Variants in MYO16 observed in about 807,000 individuals in gnomAD.
The protein encoded by MYO16 is unconventional myosin-XVI.
In MYO16, 94 loss-of-function variants were observed where a neutral mutation model predicts 205.3. The ratio of observed to expected loss-of-function variants is 0.46; its 90% CI spans 0.39 to 0.54. MYO16 has a LOEUF of 0.54. Ranked by LOEUF, MYO16 falls within the 20% of genes least tolerant of loss-of-function variation. MYO16 has a pLI of 0.00. For missense variants in MYO16, 2,315 were observed against 2,387.5 expected, an observed-to-expected ratio of 0.97 and a Z score of 0.63; for synonymous variants, 988 against 954.0, an observed-to-expected ratio of 1.04 and a Z score of -0.66.
In MYO16 at chr13:108,629,660, C is replaced by T. The variant is rs1879885020; in HGVS notation, c.-185C>T. ...GGGGAGAGGCTTATCTTAACTCCAG[C>T]TGCCGAATGAGAATGAGTTTGAAGC... On this transcript the variant is annotated 5_prime_UTR_variant, in exon 1 of 35. Coordinates refer to ENST00000457511, the MANE Select transcript of MYO16 (RefSeq NM_001198950.3). 3.7e-6 allele frequency: 2 copies of T among 542,124 alleles called. No individual in the cohort carries two copies. The highest frequency in any genetic ancestry group is 6.5e-6 in the Non-Finnish European group (2 of 306,184). The allele number at this position is 542,124 out of a possible 1,614,324, so 33.6% of individuals were successfully genotyped here.
At chr13:108,825,773 TA>T in intron 9 of MYO16, among the ~76,000 whole-genome samples, 1 of 151,980 alleles carries the variant, frequency 6.6e-6, no homozygotes, top group East Asian at 1.9e-4. Flanking sequence ...AAACAATCTG[TA>T]TTTCTATACA....
In MYO16 at chr13:109,160,576, C is replaced by T. The variant is rs145052840; in HGVS notation, c.5165-4325C>T. Among the ~76,000 whole-genome samples, 144 of 152,258 alleles carry T rather than the reference C, an allele frequency of 9.5e-4. 5 individuals are homozygous for T. The East Asian group carries it at 0.025, about 26-fold the overall frequency. ...ACAGGATGCCACTGAACTACACAACCCCTTACTTCACTAGATACAGAGGCA... is the reference window on the plus strand; with the variant it reads ...ACAGGATGCCACTGAACTACACAACTCCTTACTTCACTAGATACAGAGGCA... On this transcript the variant is annotated intron_variant, in intron 32 of 34. Coordinates refer to ENST00000457511, the MANE Select transcript of MYO16 (RefSeq NM_001198950.3).
chr13:108,604,187 C>T (rs914025840), intron 1 of MYO16, among the ~76,000 whole-genome samples: 1 of 152,070 alleles, frequency 6.6e-6, no homozygotes, highest in Non-Finnish European at 1.5e-5. Context: ...GAGGTCCCTC[C>T]CCCAAGAGTG....
chr13:108,718,045 C>A (rs954641058), intron 3 of MYO16, among the ~76,000 whole-genome samples: 2 of 152,074 alleles, frequency 1.3e-5, no homozygotes, highest in African/African-American at 4.8e-5. Context: ...TTGCTCTTCA[C>A]CATCAGTTTC....
chr13:108,940,084 C>T (rs1280313991), intron 16 of MYO16, among the ~76,000 whole-genome samples: 2 of 152,038 alleles, frequency 1.3e-5, no homozygotes, highest in African/African-American at 4.8e-5. Flanking sequence ...CATATTGTAC[C>T]TGTAAACTCT....
At chr13:108,921,430 T>A (rs904573032) in intron 16 of MYO16, among the ~76,000 whole-genome samples, 2 of 152,190 alleles carry the variant, frequency 1.3e-5, no homozygotes, top group African/African-American at 4.8e-5. Context: ...AAATGCTCTC[T>A]TATCAGTGTG....
chr13:108,658,451 T>C (rs1881342916), intron 1 of MYO16, among the ~76,000 whole-genome samples: 1 of 151,620 alleles, frequency 6.6e-6, no homozygotes, highest in South Asian at 2.1e-4. Flanking sequence ...TGTGTGTGTG[T>C]GTGTGTGTTT....
chr13:108,921,484 C>T (rs1881744330), intron 16 of MYO16, among the ~76,000 whole-genome samples: 1 of 152,184 alleles, frequency 6.6e-6, no homozygotes, highest in Admixed American at 6.5e-5. Flanking sequence ...TTGTAGCTTG[C>T]AGGACATATA....
At chr13:108,962,609 T>TGAG (rs1305969300) in intron 19 of MYO16, 114 bp downstream of exon 19, 1 of 755,006 alleles carries the variant, frequency 1.3e-6, no homozygotes, top group African/African-American at 1.8e-5. Context: ...GAATGCCAAA[T>TGAG]GAGGAAAGCA....
At chr13:108,835,392 G>A (rs1210063242) in intron 9 of MYO16, among the ~76,000 whole-genome samples, 1 of 152,180 alleles carries the variant, frequency 6.6e-6, no homozygotes, top group East Asian at 1.9e-4. Context: ...CTTCAGCCAT[G>A]TGGAACTGCA....
At chr13:109,205,406 A>C (rs1271729748) in intron 34 of MYO16, among the ~76,000 whole-genome samples, 3 of 152,178 alleles carry the variant, frequency 2.0e-5, no homozygotes, top group African/African-American at 7.2e-5. Flanking sequence ...ACTGTTTTCT[A>C]CATAAGTGCA....
At chr13:108,751,509 G>A (rs1212783862) in intron 4 of MYO16, among the ~76,000 whole-genome samples, 3 of 152,158 alleles carry the variant, frequency 2.0e-5, no homozygotes, top group Non-Finnish European at 2.9e-5. Flanking sequence ...AAATAAGTAT[G>A]TAGCTTCTAC....
the MYO16 span, among the ~76,000 whole-genome samples, chr13:108,584,080 A>G: frequency 1.3e-5 from 2 of 152,000 alleles, no homozygotes; most frequent in African/African-American, 4.8e-5. Context: ...CAGCCTCCCA[A>G]GTATCTGGGA....
chr13:108,733,886 G>A (rs1884603990), intron 4 of MYO16, among the ~76,000 whole-genome samples: 1 of 152,140 alleles, frequency 6.6e-6, no homozygotes, highest in Non-Finnish European at 1.5e-5. Flanking sequence ...GGAGAATGGT[G>A]TGAACATGGG....
intron 34 of MYO16, among the ~76,000 whole-genome samples, chr13:109,200,424 T>C (rs920741479): frequency 7.2e-5 from 11 of 152,168 alleles, no homozygotes; most frequent in Admixed American, 4.6e-4. Flanking sequence ...ATTGCAAACA[T>C]CAGTCAAATT....
At chr13:108,841,421 G>C (rs1338071504) in intron 9 of MYO16, among the ~76,000 whole-genome samples, 1 of 152,136 alleles carries the variant, frequency 6.6e-6, no homozygotes, top group Non-Finnish European at 1.5e-5. Flanking sequence ...ACTCACAATG[G>C]ATCGTAGGTC....
chr13:108,903,181 A>T (rs1880790534), intron 15 of MYO16, among the ~76,000 whole-genome samples: 1 of 152,196 alleles, frequency 6.6e-6, no homozygotes, highest in Non-Finnish European at 1.5e-5. Flanking sequence ...AAAGAAAACA[A>T]ATTGTATGCT....
chr13:109,135,399 A>C (rs1190630398), intron 31 of MYO16, among the ~76,000 whole-genome samples: 1 of 152,188 alleles, frequency 6.6e-6, no homozygotes, highest in Non-Finnish European at 1.5e-5. Flanking sequence ...TTGGTTCCCC[A>C]CTTTTTGACT....
At chr13:108,773,907 A>G (rs1479188028) in intron 4 of MYO16, among the ~76,000 whole-genome samples, 1 of 152,270 alleles carries the variant, frequency 6.6e-6, no homozygotes, top group African/African-American at 2.4e-5. Flanking sequence ...CCTGGCCAAC[A>G]TAGCAAAACC....
Sources: gnomAD v4.1 joint callset for allele counts (sites outside exome capture counted in the v4.1 genomes callset) on GRCh38, gnomAD v4.1.1 for gene constraint, MANE v1.5 for transcripts, NCBI Gene and HGNC (gene_info 2026-07-23, HGNC 2026-07-21) for gene names.